The following DPP10 variants were observed in gnomAD, a reference collection of about 807,000 sequenced individuals.
DPP10 encodes the protein inactive dipeptidyl peptidase 10.
In DPP10, 33 loss-of-function variants were observed where a neutral mutation model predicts 120.9. That is an observed-to-expected ratio of 0.27 (90% CI 0.21 to 0.37). DPP10 has a LOEUF of 0.37. Ranked by LOEUF, DPP10 falls within the 10% of genes least tolerant of loss-of-function variation. The pLI is 1.00. For synonymous variants in DPP10, 337 were observed against 326.1 expected (o/e 1.03, Z -0.36); for missense variants, 816 against 942.8 (o/e 0.87, Z 1.76).
intron 1 of DPP10, among the ~76,000 whole-genome samples, chr2:115,160,864 C>T (rs536999897): frequency 6.6e-6 from 1 of 152,112 alleles, no homozygotes; most frequent in East Asian, 1.9e-4. Context: ...GGTAGGTTTG[C>T]CGTGTTGTTT....
At chr2:115,237,124 C>CA (rs1297199625) in intron 1 of DPP10, among the ~76,000 whole-genome samples, 1 of 151,334 alleles carries the variant, frequency 6.6e-6, no homozygotes, top group African/African-American at 2.4e-5. Flanking sequence ...TTGTGCTTTG[C>CA]AGACAATGCA....
At chr2:115,304,913 G>A (rs1470048330) in intron 1 of DPP10, among the ~76,000 whole-genome samples, 2 of 152,004 alleles carry the variant, frequency 1.3e-5, no homozygotes, top group African/African-American at 4.8e-5. Flanking sequence ...AAACTAAACT[G>A]TTCCCTGAAG....
Position 114,841,344 on chromosome 2 carries a change from T to C in DPP10, c.60+398506T>C, listed in dbSNP as rs77101074. Among the ~76,000 whole-genome samples the C allele has an allele frequency of 4.2e-3, 638 of 152,192 alleles. 5 individuals are homozygous for C. Among genetic ancestry groups the C allele is most frequent in the Admixed American group, 0.011 (162 of 15,270 alleles). ...ATAGGGCTGGCAGCCAAAAATAAAA[T>C]AGTTGATTGCAAATAAAATGATAGG... On this transcript the variant is annotated intron_variant, in intron 1 of 25. Transcript: ENST00000410059.
At chr2:115,779,685 G>A (rs1201850009) in intron 15 of DPP10, among the ~76,000 whole-genome samples, 1 of 151,966 alleles carries the variant, frequency 6.6e-6, no homozygotes, top group Non-Finnish European at 1.5e-5. Flanking sequence ...GGTGAAAATT[G>A]TACAATGTTG....
rs1491280011 is a variant in DPP10, at chr2:115,711,915, G to GTTTTTTTTTTTTTTTTTTTT, written c.577-15901_577-15900insTTTTTTTTTTTTTTTTTTTT. Among the ~76,000 whole-genome samples, 18 of 96,986 alleles carry GTTTTTTTTTTTTTTTTTTTT rather than the reference G, an allele frequency of 1.9e-4. 9 individuals carry two copies. The highest frequency in any genetic ancestry group is 1.6e-4 in the Non-Finnish European group (8 of 50,822). The allele number at this position is 96,986 out of a possible 152,430, so 63.6% of individuals were successfully genotyped here. On this transcript the variant is annotated intron_variant, in intron 7 of 25. Coordinates refer to ENST00000410059, the MANE Select transcript of DPP10 (RefSeq NM_020868.6). ...GAATATTGGACCTATAAAATGGTCT[G>GTTTTTTTTTTTTTTTTTTTT]GTTTTTTTTTTTTTTTTTTTTTTGG...
intron 2 of DPP10, among the ~76,000 whole-genome samples, chr2:115,341,356 T>C (rs1390976029): frequency 2.0e-5 from 3 of 152,234 alleles, no homozygotes; most frequent in Admixed American, 2.0e-4. Flanking sequence ...CTCTTCCCCC[T>C]GACCCCCCTG....
chr2:114,987,804 C>CTTTTTTTTTTTTTTTTTTTTTTTTTTTTT (rs59203543), intron 1 of DPP10, among the ~76,000 whole-genome samples: 1 of 101,034 alleles, frequency 9.9e-6, no homozygotes, highest in African/African-American at 3.9e-5. Flanking sequence ...TGGAGACTGT[C>CTTTTTTTTTTTTTTTTTTTTTTTTTTTTT]TTTTTTTTTT....
At chr2:115,408,810 A>G in intron 3 of DPP10, among the ~76,000 whole-genome samples, 1 of 152,170 alleles carries the variant, frequency 6.6e-6, no homozygotes, top group Non-Finnish European at 1.5e-5. Context: ...AATGTGGGTA[A>G]GCTAGTGCTT....
intron 2 of DPP10, among the ~76,000 whole-genome samples, chr2:115,310,768 A>G (rs2061544617): frequency 6.6e-6 from 1 of 152,046 alleles, no homozygotes; most frequent in Non-Finnish European, 1.5e-5. Flanking sequence ...ACTTAAACAC[A>G]AGAAGTTTAA....
chr2:115,812,271 A>G (rs1290966104), intron 19 of DPP10, among the ~76,000 whole-genome samples: 1 of 152,202 alleles, frequency 6.6e-6, no homozygotes, highest in Non-Finnish European at 1.5e-5. Context: ...AAGCTTCAAA[A>G]TGCAGTATCT....
At chr2:115,742,389 C>A (rs1006115329) in intron 9 of DPP10, among the ~76,000 whole-genome samples, 8 of 152,058 alleles carry the variant, frequency 5.3e-5, no homozygotes, top group Admixed American at 3.3e-4. Flanking sequence ...CCATTCTTAG[C>A]CTCAAACCTG....
chr2:115,361,319 C>G (rs901763941), intron 3 of DPP10, among the ~76,000 whole-genome samples: 1 of 152,022 alleles, frequency 6.6e-6, no homozygotes, highest in East Asian at 1.9e-4. Context: ...GTCCTTCTGC[C>G]CATCTGGGTC....
rs575295476 is a variant in DPP10 at position 115,703,802 on chromosome 2, C to T, written c.576+13881C>T. Among the ~76,000 whole-genome samples the T allele has an allele frequency of 1.5e-3, 226 of 152,082 alleles. 1 individual carries two copies. The highest frequency in any genetic ancestry group is 3.1e-3 in the South Asian group (15 of 4,828). On this transcript the variant is annotated intron_variant, in intron 7 of 25. Transcript: ENST00000410059. ...TAACCAAGTTAACACAAGAAATTAA[C>T]CATCACAGTAGGTATGACACTTCAC...
At chr2:114,584,747 C>A (rs904113038) in intron 1 of DPP10, among the ~76,000 whole-genome samples, 8 of 151,978 alleles carry the variant, frequency 5.3e-5, no homozygotes, top group African/African-American at 1.9e-4. Flanking sequence ...TTGTCGTGGC[C>A]TGACAAATGC....
At chr2:114,632,518 T>A (rs921427199) in intron 1 of DPP10, among the ~76,000 whole-genome samples, 1 of 137,290 alleles carries the variant, frequency 7.3e-6, no homozygotes, top group Non-Finnish European at 1.6e-5. Flanking sequence ...TTTTTTTTTT[T>A]TTTTTTTTTT....
chr2:114,556,230 G>GATAC (rs1553461320), intron 1 of DPP10, among the ~76,000 whole-genome samples: 16 of 27,892 alleles, frequency 5.7e-4, no homozygotes, highest in African/African-American at 2.0e-3. Flanking sequence ...ATACATAGAT[G>GATAC]ATACATATAT....
At chr2:115,508,805 A>G (rs1224691488) in intron 4 of DPP10, among the ~76,000 whole-genome samples, 1 of 152,200 alleles carries the variant, frequency 6.6e-6, no homozygotes, top group East Asian at 1.9e-4. Context: ...CAGGAGGCTG[A>G]GGCAGGAGAA....
At chr2:114,872,633 G>T (rs1176820554) in intron 1 of DPP10, among the ~76,000 whole-genome samples, 1 of 152,106 alleles carries the variant, frequency 6.6e-6, no homozygotes, top group African/African-American at 2.4e-5. Flanking sequence ...ATTTTAGTTT[G>T]CACATGGCCC....
intron 1 of DPP10, among the ~76,000 whole-genome samples, chr2:114,861,110 A>C (rs1384300604): frequency 1.3e-5 from 2 of 152,140 alleles, no homozygotes; most frequent in Non-Finnish European, 2.9e-5. Flanking sequence ...ACTGTATTAC[A>C]AAACAAAAAT....
Sources: gnomAD v4.1 joint callset for allele counts (sites outside exome capture counted in the v4.1 genomes callset) on GRCh38, gnomAD v4.1.1 for gene constraint, MANE v1.5 for transcripts, NCBI Gene and HGNC (gene_info 2026-07-23, HGNC 2026-07-21) for gene names.